The following RASGRP3 variants were observed in gnomAD, a reference collection of about 807,000 sequenced individuals.
RASGRP3 encodes the protein RAS guanyl releasing protein 3, also known as ras guanyl-releasing protein 3.
Under a neutral mutation model 82.7 loss-of-function variants are expected in RASGRP3, and 54 were observed. The ratio of observed to expected loss-of-function variants is 0.65; its 90% CI spans 0.52 to 0.82. The LOEUF (loss-of-function observed/expected upper bound fraction) is 0.82, where lower values mean the gene tolerates loss of function less well. RASGRP3 is among the 40% of genes least tolerant of loss of function. RASGRP3 has a pLI of 0.00. For missense variants in RASGRP3, 861 were observed against 828.9 expected, an observed-to-expected ratio of 1.04 and a Z score of -0.48; for synonymous variants, 309 against 300.5, an observed-to-expected ratio of 1.03 and a Z score of -0.29.
intron 2 of RASGRP3, among the ~76,000 whole-genome samples, chr2:33,512,474 G>A (rs1265740450): frequency 6.6e-6 from 1 of 152,184 alleles, no homozygotes; most frequent in African/African-American, 2.4e-5. Flanking sequence ...TAAGGGTACT[G>A]ATAGAGTTTA....
chr2:33,459,134 C>CT lies in RASGRP3; in HGVS notation c.-261+11201dup, dbSNP rs909356486. Among the ~76,000 whole-genome samples, 1,055 of 149,496 alleles carry CT rather than the reference C, an allele frequency of 7.1e-3. 8 individuals carry two copies. Among genetic ancestry groups the CT allele is most frequent in the African/African-American group, 0.022 (897 of 40,898 alleles). On this transcript the variant is annotated intron_variant, in intron 2 of 18. Coordinates refer to the RASGRP3 transcript ENST00000402538. The stretch of plus-strand genomic sequence containing the variant: ...ATCCTCAAAGTGGACATTTCTCGGA[C>CT]TTTTTTTTTTGAGATGGAGTCTCGC...
chr2:33,487,776 T>G (rs989570300), intron 1 of RASGRP3, among the ~76,000 whole-genome samples: 2 of 152,120 alleles, frequency 1.3e-5, no homozygotes, highest in African/African-American at 4.8e-5. Flanking sequence ...ACTCAGAGCA[T>G]TTGGAATAAT....
intron 13 of RASGRP3, among the ~76,000 whole-genome samples, chr2:33,549,136 G>C (rs1170424462): frequency 6.6e-6 from 1 of 152,170 alleles, no homozygotes; most frequent in Non-Finnish European, 1.5e-5. Context: ...GAGCCACTAA[G>C]ATATGAGTGA....
intron 15 of RASGRP3, among the ~76,000 whole-genome samples, chr2:33,557,107 G>A (rs925247447): frequency 1.3e-5 from 2 of 152,126 alleles, no homozygotes; most frequent in Non-Finnish European, 2.9e-5. Context: ...GGTCCTCCTT[G>A]ATGGTAGGAG....
intron 1 of RASGRP3, among the ~76,000 whole-genome samples, chr2:33,504,862 G>A (rs1370000840): frequency 1.3e-5 from 2 of 152,168 alleles, no homozygotes; most frequent in African/African-American, 4.8e-5. Context: ...ATGCCTTCCT[G>A]TTCCTAGTGA....
At chr2:33,557,710 G>GAA (rs59650410) in intron 15 of RASGRP3, among the ~76,000 whole-genome samples, 6 of 129,700 alleles carry the variant, frequency 4.6e-5, no homozygotes, top group East Asian at 2.3e-4. Context: ...ACTCCATCTC[G>GAA]AAAAAAAAAA....
chr2:33,491,304 G>A (rs1359067192), intron 1 of RASGRP3, among the ~76,000 whole-genome samples: 1 of 151,876 alleles, frequency 6.6e-6, no homozygotes, highest in Non-Finnish European at 1.5e-5. Flanking sequence ...GCAACAGAGT[G>A]AGACTGTGTC....
intron 1 of RASGRP3, among the ~76,000 whole-genome samples, chr2:33,445,449 C>G (rs1308534213): frequency 2.0e-5 from 3 of 152,150 alleles, no homozygotes; most frequent in Non-Finnish European, 4.4e-5. Flanking sequence ...AATGACCATT[C>G]ATTGCATGAT....
At chr2:33,497,766 G>T (rs971392813) in intron 1 of RASGRP3, among the ~76,000 whole-genome samples, 1 of 152,260 alleles carries the variant, frequency 6.6e-6, no homozygotes, top group East Asian at 1.9e-4. Flanking sequence ...ATTGTAAATT[G>T]ATCAATAAAG....
chr2:33,475,972 A>T (rs1441528381), upstream of RASGRP3, among the ~76,000 whole-genome samples: 1 of 152,236 alleles, frequency 6.6e-6, no homozygotes, highest in East Asian at 1.9e-4. Flanking sequence ...GTCTAAAGCT[A>T]CCTGAAATCA....
In RASGRP3 at chr2:33,548,000, A is replaced by C. The variant is rs570950438; in HGVS notation, c.1395-1604A>C. On this transcript the variant is annotated intron_variant, in intron 13 of 17. Transcript: ENST00000403687. The stretch of plus-strand genomic sequence containing the variant: ...GTAGGGTTAGAAAACCAAGTGGCAT[A>C]AACAGTACCTGGAGGAAATGATAAA... Among the ~76,000 whole-genome samples, 4 of 152,316 alleles carry C rather than the reference A, an allele frequency of 2.6e-5. No individual in the cohort carries two copies. The East Asian group carries it at 7.7e-4, about 29-fold the overall frequency.
At chr2:33,505,822 G>A (rs1423147461) in intron 1 of RASGRP3, among the ~76,000 whole-genome samples, 2 of 152,118 alleles carry the variant, frequency 1.3e-5, no homozygotes, top group East Asian at 3.9e-4. Context: ...TCCAACTGCA[G>A]GTGTCTAGCA....
intron 1 of RASGRP3, among the ~76,000 whole-genome samples, chr2:33,493,587 A>G (rs1410508346): frequency 1.5e-5 from 2 of 133,280 alleles, no homozygotes; most frequent in Admixed American, 1.5e-4. Context: ...TTGTGCCAAG[A>G]CCCATTTAGA....
chr2:33,476,757 C>CCGTG (rs201283626), intron 1 of RASGRP3, 50 bp downstream of exon 1: 3,424 of 39,690 alleles, frequency 0.086, 67 homozygotes, highest in Non-Finnish European at 0.11. Context: ...CATTCCCTCT[C>CCGTG]CGTGTGTGTG....
At chr2:33,494,469 A>C (rs1036003066) in intron 1 of RASGRP3, among the ~76,000 whole-genome samples, 11 of 152,190 alleles carry the variant, frequency 7.2e-5, no homozygotes, top group African/African-American at 2.7e-4. Context: ...AAATTATCCT[A>C]CAGGAAATTA....
Position 33,508,942 on chromosome 2 carries a change from T to G in RASGRP3, c.-260-2768T>G, listed in dbSNP as rs75862377. On this transcript the variant is annotated intron_variant, in intron 1 of 17. Transcript: ENST00000403687. ...TCAAGAAGCAATTATGAGTTTCTATTGTTATGGTCTAGTTACACTTTCCAT... is the reference window on the plus strand; with the variant it reads ...TCAAGAAGCAATTATGAGTTTCTATGGTTATGGTCTAGTTACACTTTCCAT... 4.4e-4 allele frequency among the ~76,000 whole-genome samples: 67 copies of G among 152,294 alleles called. No individual in the cohort carries two copies. The East Asian group carries it at 6.2e-3, about 14-fold the overall frequency.
intron 4 of RASGRP3, among the ~76,000 whole-genome samples, chr2:33,517,457 C>G (rs1671578127): frequency 6.6e-6 from 1 of 152,180 alleles, no homozygotes; most frequent in African/African-American, 2.4e-5. Context: ...GAGAGAGAGG[C>G]ACAGCCTTAG....
intron 1 of RASGRP3, among the ~76,000 whole-genome samples, chr2:33,440,795 T>C (rs576410561): frequency 6.7e-6 from 1 of 148,666 alleles, no homozygotes; most frequent in Non-Finnish European, 1.5e-5. Context: ...TTGTATGACA[T>C]GTGTGGCTAA....
intron 2 of RASGRP3, among the ~76,000 whole-genome samples, chr2:33,456,354 ATTCT>A (rs60604439): frequency 0.31 from 47,255 of 151,864 alleles, 9,047 homozygotes; most frequent in Non-Finnish European, 0.42. Flanking sequence ...TCGATTTATC[ATTCT>A]TTCTTTCCTG....
Sources: allele counts gnomAD v4.1 joint callset (sites outside exome capture counted in the v4.1 genomes callset), GRCh38; gene constraint gnomAD v4.1.1; transcripts MANE v1.5; gene names NCBI Gene and HGNC (gene_info 2026-07-23, HGNC 2026-07-21).